Variants in NPIPB11 observed in about 807,000 individuals in gnomAD.
NPIPB11 encodes nuclear pore complex interacting protein family member B11.
In NPIPB11, 17 loss-of-function variants were observed where a neutral mutation model predicts 32.8. The observed-to-expected ratio is 0.52, with a 90% confidence interval of 0.35 to 0.78. NPIPB11 has a LOEUF of 0.78. Ranked by LOEUF, NPIPB11 falls within the 30% of genes least tolerant of loss-of-function variation. The probability of loss-of-function intolerance (pLI) is 0.01; values close to 1 mark genes in which losing one functional copy is unlikely to be tolerated. For synonymous variants in NPIPB11, 209 were observed against 398.4 expected (o/e 0.52, Z 5.66); for missense variants, 537 against 1,000.4 (o/e 0.54, Z 6.25).
rs1266406051 is a variant in NPIPB11 at position 29,397,827 on chromosome 16, G to C, written c.121-3751C>G. The C allele has an allele frequency of 2.2e-5, 5 of 231,734 alleles. No homozygotes were observed. The East Asian group carries it at 4.2e-4, about 19-fold the overall frequency. 14.4% of individuals were successfully genotyped at this position (231,734 alleles called of 1,614,324 possible). A position where few individuals can be genotyped will look rare whatever the true frequency, so the allele number is the denominator to read the frequency against. On this transcript the variant is annotated intron_variant, in intron 2 of 7. Coordinates refer to ENST00000524087, the Ensembl canonical transcript of NPIPB11. ...AGGGAAGGGAAAGGAGGAGAAGGGG[G>C]CTGTTGGGCACCTGGAGGAGGAGAA...
At chr16:29,389,367 TA>T (rs1175211779) in intron 5 of NPIPB11, among the ~76,000 whole-genome samples, 1,671 of 58,600 alleles carry the variant, frequency 0.029, 45 homozygotes, top group African/African-American at 0.1. Flanking sequence ...ATCTCAAAAT[TA>T]AAAAAAAAAA....
chr16:29,399,933 C>T (rs1395842028), intron 2 of NPIPB11, among the ~76,000 whole-genome samples: 1 of 151,160 alleles, frequency 6.6e-6, no homozygotes, highest in Admixed American at 6.6e-5. Flanking sequence ...AAAAATTAGC[C>T]AGGCACGGTG....
chr16:29,389,888 C>T, intron 5 of NPIPB11, 53 bp downstream of exon 5: 1 of 1,568,162 alleles, frequency 6.4e-7, no homozygotes, highest in Non-Finnish European at 8.6e-7. Flanking sequence ...CAGTTGTCTA[C>T]TTTGATTGGC....
exon 8 of NPIPB11, chr16:29,384,208 T>G: frequency 6.4e-7 from 1 of 1,554,418 alleles, no homozygotes; most frequent in Non-Finnish European, 8.6e-7. Flanking sequence ...TGGCCCATCC[T>G]GTTTTTTAAA....
Position 29,382,288 on chromosome 16 carries a change from C to T in NPIPB11, c.2644G>A (p.Gly882Arg), listed in dbSNP as rs753247128. Reference sequence around the variant, plus strand: ...GGAAGCGGAACCCACAGACGCTCCCCGCAGACGCTCGGCAGGTGTCTTGAT... The same window carrying T: ...GGAAGCGGAACCCACAGACGCTCCCTGCAGACGCTCGGCAGGTGTCTTGAT... Residue 882 changes from glycine to arginine, a missense_variant, in exon 8 of 8, where the codon GGG becomes AGG. Coordinates refer to ENST00000524087, the Ensembl canonical transcript of NPIPB11. The T allele has an allele frequency of 2.4e-5, 38 of 1,600,814 alleles. No individual in the cohort carries two copies. In the East Asian group the frequency reaches 4.5e-4, roughly 19 times the overall value.
chr16:29,397,509 T>C (rs1385376845), intron 2 of NPIPB11: 6 of 1,474,440 alleles, frequency 4.1e-6, no homozygotes, highest in Admixed American at 2.1e-5. Context: ...TGTAATTTCA[T>C]GCCGCGTGAC....
In NPIPB11 at chr16:29,397,672, G is replaced by A. The variant is rs1433602405; in HGVS notation, c.121-3596C>T. On this transcript the variant is annotated intron_variant, in intron 2 of 7. Transcript: ENST00000524087. ...TGGTCCTTTCAGGGCGCCCTGAGGCGTCCAGGACAGAGGTGGAGGTGGCTT... is the reference window on the plus strand; with the variant it reads ...TGGTCCTTTCAGGGCGCCCTGAGGCATCCAGGACAGAGGTGGAGGTGGCTT... The A allele has an allele frequency of 4.2e-5, 52 of 1,245,806 alleles. 1 individual carries two copies. Among genetic ancestry groups the A allele is most frequent in the Middle Eastern group, 5.6e-4 (2 of 3,590 alleles). 77.2% of individuals were successfully genotyped at this position (1,245,806 alleles called of 1,614,324 possible).
At chr16:29,389,697 A>AAAG (rs1963663937) in intron 5 of NPIPB11, among the ~76,000 whole-genome samples, 2 of 136,780 alleles carry the variant, frequency 1.5e-5, no homozygotes, top group South Asian at 2.3e-4. Flanking sequence ...AAAAAAAAAA[A>AAAG]AGAGAAAGGA....
intron 5 of NPIPB11, among the ~76,000 whole-genome samples, chr16:29,388,934 C>T (rs1178629323): frequency 1.3e-4 from 18 of 134,590 alleles, no homozygotes; most frequent in South Asian, 5.4e-4. Context: ...CGGTGGCTCA[C>T]GCCTGTAATC....
chr16:29,400,649 AG>A (rs1194367907), intron 2 of NPIPB11, among the ~76,000 whole-genome samples: 18 of 151,316 alleles, frequency 1.2e-4, no homozygotes, highest in Admixed American at 9.9e-4. Context: ...AGGGAAGGCC[AG>A]GGGTAGGGCT....
At chr16:29,382,301 C>T in exon 8 of NPIPB11, 4 of 1,592,524 alleles carry the variant, frequency 2.5e-6, no homozygotes, top group Non-Finnish European at 2.6e-6. Flanking sequence ...AGACGCTCGG[C>T]AGGTGTCTTG....
At chr16:29,406,379 T>C (rs1440958452), upstream of NPIPB11, among the ~76,000 whole-genome samples, 4 of 152,256 alleles carry the variant, frequency 2.6e-5, no homozygotes, top group Admixed American at 2.0e-4. Context: ...GATTTGTAAT[T>C]TTGATAGTTA....
At chr16:29,390,648 T>TCACACACA (rs1198966072) in intron 3 of NPIPB11, among the ~76,000 whole-genome samples, 1 of 93,514 alleles carries the variant, frequency 1.1e-5, no homozygotes, top group Non-Finnish European at 2.5e-5. Flanking sequence ...TGAGACTCTG[T>TCACACACA]CACATACACA....
At chr16:29,383,029 G>A (rs752571890) in exon 8 of NPIPB11, 8 of 1,609,548 alleles carry the variant, frequency 5.0e-6, no homozygotes, top group Middle Eastern at 4.5e-4. Context: ...ATCCGCTGAC[G>A]GTGGAAGCGG....
chr16:29,394,290 G>C (rs922042692), intron 2 of NPIPB11, among the ~76,000 whole-genome samples: 1 of 152,000 alleles, frequency 6.6e-6, no homozygotes, highest in Non-Finnish European at 1.5e-5. Flanking sequence ...TGCAAATGTG[G>C]GGTGTTGTCT....
exon 8 of NPIPB11, chr16:29,382,233 G>T (rs839687): frequency 5.0e-6 from 8 of 1,590,360 alleles, no homozygotes; most frequent in Non-Finnish European, 6.8e-6. Flanking sequence ...ACGTTTGGAA[G>T]GTGTCTTGAG....
At chr16:29,401,185 A>T (rs1265420003) in intron 2 of NPIPB11, among the ~76,000 whole-genome samples, 2 of 152,258 alleles carry the variant, frequency 1.3e-5, no homozygotes, top group South Asian at 2.1e-4. Flanking sequence ...GCACTCTTGA[A>T]CCTGTGCAAT....
At chr16:29,396,883 G>A (rs1335672821) in intron 2 of NPIPB11, among the ~76,000 whole-genome samples, 29 of 151,412 alleles carry the variant, frequency 1.9e-4, no homozygotes, top group African/African-American at 6.8e-4. Context: ...CAGGCGCGGT[G>A]GCTCACGCCT....
rs1449821025 is a variant in NPIPB11, at chr16:29,402,724, C to CTCTG, written c.120+958_120+959insCAGA. The stretch of plus-strand genomic sequence containing the variant: ...TCTCTCTCTCTCTCTCTCTCTCTCT[C>CTCTG]TGTGTGTGTGTGTGTGTGTGTGTGT... On this transcript the variant is annotated intron_variant, in intron 2 of 7. Transcript: ENST00000524087. Among the ~76,000 whole-genome samples the CTCTG allele has an allele frequency of 6.0e-3, 718 of 119,668 alleles. 4 individuals are homozygous for CTCTG. Among genetic ancestry groups the CTCTG allele is most frequent in the Non-Finnish European group, 9.0e-3 (527 of 58,640 alleles). 78.5% of individuals were successfully genotyped at this position (119,668 alleles called of 152,430 possible).
Sources: gnomAD v4.1 joint callset for allele counts (sites outside exome capture counted in the v4.1 genomes callset) on GRCh38, gnomAD v4.1.1 for gene constraint, MANE v1.5 for transcripts, NCBI Gene and HGNC (gene_info 2026-07-23, HGNC 2026-07-21) for gene names.